AHNAK2: variants seen among roughly 807,000 people sequenced by gnomAD.
The protein encoded by AHNAK2 is protein AHNAK2.
A neutral mutation model predicts 30.7 loss-of-function variants in AHNAK2; 18 were observed. The observed-to-expected ratio is 0.59, with a 90% confidence interval of 0.41 to 0.87. The LOEUF (loss-of-function observed/expected upper bound fraction) is 0.87, where lower values mean the gene tolerates loss of function less well. Among genes scored for constraint, AHNAK2 ranks in the 40% least tolerant of loss-of-function variants. The pLI is 0.00. For synonymous variants in AHNAK2, 3,590 were observed against 3,073.8 expected (o/e 1.17, Z -5.56); for missense variants, 8,604 against 7,373.0 (o/e 1.17, Z -6.11).
chr14:104,961,422 G>A (rs1187004736), intron 1 of AHNAK2, among the ~76,000 whole-genome samples: 1 of 150,112 alleles, frequency 6.7e-6, no homozygotes, highest in Non-Finnish European at 1.5e-5. Context: ...GCTGAGGCAG[G>A]AGAATGGCGT....
At position 104,953,612 on chromosome 14, in the gene AHNAK2, C is replaced by T; in HGVS notation, c.1839G>A (p.Arg613=). The part of the protein sequence containing the change: ...EKATEDTEQG[R]EGEATATADR... The stretch of plus-strand genomic sequence containing the variant: ...CAGCTGTTGCTGTGGCCTCTCCTTC[C>T]CTTCCCTGCTCTGTGTCTTCTGTGG... The change falls in exon 7 of 7, where the codon AGG becomes AGA. Residue 613 remains arginine (R), a synonymous_variant. Coordinates refer to ENST00000333244, the MANE Select transcript of AHNAK2 (RefSeq NM_138420.4). The T allele has an allele frequency of 1.2e-6, 2 of 1,613,952 alleles. No homozygotes were observed. Among genetic ancestry groups the T allele is most frequent in the Non-Finnish European group, 1.7e-6 (2 of 1,179,892 alleles).
rs371085059 is a variant in AHNAK2 at position 104,943,858 on chromosome 14, G to A, written c.11593C>T (p.Arg3865Cys). ...PHSADLTVQA[R>C]QVDMKLLEGH... ...TCCAGGAGTTTCATGTCCACCTGGC[G>A]AGCTTGGACCGTCAGGTCGGCAGAA... The change falls in exon 7 of 7, where the codon CGC (arginine) becomes TGC (cysteine). Residue 3865 changes from arginine (R) to cysteine (C), a missense_variant. Arg to Cys is a radical substitution (Grantham distance 180). Transcript: ENST00000333244. 11 of 1,610,122 alleles carry A rather than the reference G, an allele frequency of 6.8e-6. No individual in the cohort carries two copies. Among genetic ancestry groups the A allele is most frequent in the South Asian group, 4.4e-5 (4 of 90,928 alleles).
Position 104,949,766 on chromosome 14 carries a change from C to T in AHNAK2, c.5685G>A (p.Gln1895=), listed in dbSNP as rs377221849. ...CTTTGAGGCCGGCTCCCTCGGGCAC[C>T]TGGCCCTCCGGGAGCTTCATGTCCA... The part of the protein sequence containing the change: ...GQVDMKLPEG[Q]VPEGAGLKGH... Residue 1895 remains glutamine, a synonymous_variant, in exon 7 of 7, where the codon CAG becomes CAA. Transcript: ENST00000333244. 2 of 1,583,496 alleles carry T rather than the reference C, an allele frequency of 1.3e-6. No individual in the cohort carries two copies. The highest frequency in any genetic ancestry group is 1.7e-6 in the Non-Finnish European group (2 of 1,161,668).
chr14:104,941,029 G>A lies in AHNAK2; in HGVS notation c.14422C>T (p.Leu4808Phe), dbSNP rs190966729. The A allele has an allele frequency of 1.2e-6, 2 of 1,613,528 alleles. No homozygotes were observed. The highest frequency in any genetic ancestry group is 3.3e-5 in the Admixed American group (2 of 60,026). The change falls in exon 7 of 7, where the codon CTT becomes TTT. Residue 4808 changes from leucine to phenylalanine, a missense_variant. Physicochemically the swap from Leu to Phe is conservative, Grantham distance 22. Coordinates refer to ENST00000333244, the MANE Select transcript of AHNAK2 (RefSeq NM_138420.4). Reference protein sequence around the residue: ...TVPRAALAPELALEIPSGSQA... With the variant: ...TVPRAALAPEFALEIPSGSQA... ...GACCCAGAAGGAATTTCCAGAGCAA[G>A]CTCAGGGGCCAAGGCAGCTCTGGGA...
At chr14:104,969,075 GCCCCTCC>G (rs1566926325) in intron 1 of AHNAK2, among the ~76,000 whole-genome samples, 1 of 152,142 alleles carries the variant, frequency 6.6e-6, no homozygotes, top group African/African-American at 2.4e-5. Context: ...AACATCCCCC[GCCCCTCC>G]CCGATGCTTC....
Position 104,947,562 on chromosome 14 carries a change from A to G in AHNAK2, c.7889T>C (p.Leu2630Pro). 4 of 1,612,762 alleles carry G rather than the reference A, an allele frequency of 2.5e-6. No homozygotes were observed. Among genetic ancestry groups the G allele is most frequent in the Non-Finnish European group, 3.4e-6 (4 of 1,179,644 alleles). The change falls in exon 7 of 7, where the codon CTG becomes CCG. Residue 2630 changes from leucine to proline, a missense_variant. By Grantham distance (98) the Leu-to-Pro change is moderately conservative. Transcript: ENST00000333244. ...GTCGGCCAGGGACAGGTCCCCCTCC[A>G]GCCGCGCACCATCCAGCTTTGCTCT... ...APRAKLDGARLEGDLSLADKG... is the reference protein window; with the variant it reads ...APRAKLDGARPEGDLSLADKG...
chr14:104,956,552 C>T lies in AHNAK2; in HGVS notation c.315+36G>A, dbSNP rs1334752457. On this transcript the variant is annotated intron_variant, in intron 4 of 6. Coordinates refer to ENST00000333244, the MANE Select transcript of AHNAK2 (RefSeq NM_138420.4). ...TCTGGCTGGATCCCTTGAGGACCGA[C>T]ACACCTCTGTGACCCTCAGCTCCTG... is the stretch of plus-strand genomic sequence containing the variant. The T allele has an allele frequency of 3.1e-6, 5 of 1,606,246 alleles. No homozygotes were observed. The African/African-American group carries it at 5.3e-5, about 17-fold the overall frequency.
At position 104,951,378 on chromosome 14, in the gene AHNAK2, A is replaced by G. The variant is rs765546594; in HGVS notation, c.4073T>C (p.Val1358Ala). The G allele has an allele frequency of 1.9e-6, 2 of 1,072,678 alleles. No homozygotes were observed. Among genetic ancestry groups the G allele is most frequent in the African/African-American group, 1.4e-5 (1 of 69,598 alleles). The allele number at this position is 1,072,678 out of a possible 1,614,324, so 66.4% of individuals were successfully genotyped here. The change falls in exon 7 of 7, where the codon GTG (valine) becomes GCG (alanine). Residue 1358 changes from valine (V) to alanine (A), a missense_variant. Physicochemically the swap from Val to Ala is moderately conservative, Grantham distance 64. Transcript: ENST00000333244. ...EASVDLSAPKVEADMSLPSMQ... is the reference protein window; with the variant it reads ...EASVDLSAPKAEADMSLPSMQ... ...GGAGGGGAGGCTCATGTCGGCCTCC[A>G]CCTTGGGTGCAGACAGGTCCACGGA...
At position 104,950,867 on chromosome 14, in the gene AHNAK2, G is replaced by A. The variant is rs143557489; in HGVS notation, c.4584C>T (p.Ser1528=). Reference sequence around the variant, plus strand: ...TGAGGTCCCCCTGCATGGAGGGGAGGCTCACGTCGGCCTCCACCTTCGGCG... The same window carrying A: ...TGAGGTCCCCCTGCATGGAGGGGAGACTCACGTCGGCCTCCACCTTCGGCG... The part of the protein sequence containing the change: ...VSAPKVEADV[S]LPSMQGDLKA... Residue 1528 remains serine, a synonymous_variant, in exon 7 of 7, where the codon AGC becomes AGT. Transcript: ENST00000333244. 5,493 of 1,575,984 alleles carry A rather than the reference G, an allele frequency of 3.5e-3. 467 individuals are homozygous for A. In the African/African-American group the frequency reaches 0.047, roughly 14 times the overall value.
At chr14:104,955,440 GGT>G in intron 5 of AHNAK2, 41 bp downstream of exon 5, 1 of 1,581,824 alleles carries the variant, frequency 6.3e-7, no homozygotes, top group East Asian at 2.2e-5. Flanking sequence ...CTCCCATCCT[GGT>G]GGGGAGAATG....
rs2140850883 is a variant in AHNAK2 at position 104,949,804 on chromosome 14, G to A, written c.5647C>T (p.Gln1883Ter). ...IPLPSADLVVQAGQVDMKLPE... is the reference protein window; with the variant it reads ...IPLPSADLVV ...AGCTTCATGTCCACTTGGCCAGCCTGGACCACCAGGTCTGCAGAAGGGAGC... is the reference window on the plus strand; with the variant it reads ...AGCTTCATGTCCACTTGGCCAGCCTAGACCACCAGGTCTGCAGAAGGGAGC... The change falls in exon 7 of 7, where the codon CAG (glutamine) becomes TAG (stop). Residue 1883 changes from glutamine to a stop codon, truncating the protein, a stop_gained. Coordinates refer to ENST00000333244, the MANE Select transcript of AHNAK2 (RefSeq NM_138420.4). LOFTEE classifies it low-confidence loss of function (END_TRUNC). 6.3e-7 allele frequency: 1 copy of A among 1,587,312 alleles called. No homozygotes were observed.
rs1187450802 is a variant in AHNAK2, at chr14:104,949,347, T to C, written c.6104A>G (p.Asp2035Gly). ...PSMQGDLKTT[D>G]LSIQPPSADL... Reference sequence around the variant, plus strand: ...GGCAGAAGGGGGCTGAATGCTGAGGTCAGTGGTCTTCAGGTCCCCCTGCAT... The same window carrying C: ...GGCAGAAGGGGGCTGAATGCTGAGGCCAGTGGTCTTCAGGTCCCCCTGCAT... Residue 2035 changes from aspartate to glycine, a missense_variant, in exon 7 of 7, where the codon GAC becomes GGC. Physicochemically the swap from Asp to Gly is moderately conservative, Grantham distance 94. Coordinates refer to ENST00000333244, the MANE Select transcript of AHNAK2 (RefSeq NM_138420.4). 1 of 1,561,644 alleles carries C rather than the reference T, an allele frequency of 6.4e-7. No homozygotes were observed. The highest frequency in any genetic ancestry group is 1.1e-5 in the South Asian group (1 of 88,888).
rs2819430 is a variant in AHNAK2 at position 104,950,945 on chromosome 14, C to G, written c.4506G>C (p.Ser1502=). ...KFKMPKFKMP[S]FGVSAPGKSI... ...ACTTGCCTGGGGCAGACACCCCGAA[C>G]GACGGCATCTTGAACTTGGGCATTT... Residue 1502 remains serine, a synonymous_variant, in exon 7 of 7, where the codon TCG becomes TCC. Transcript: ENST00000333244. The G allele has an allele frequency of 6.2e-4, 950 of 1,526,880 alleles. 116 individuals carry two copies. Among genetic ancestry groups the G allele is most frequent in the South Asian group, 4.2e-3 (369 of 86,842 alleles). 94.6% of individuals were successfully genotyped at this position (1,526,880 alleles called of 1,614,324 possible). A position where few individuals can be genotyped will look rare whatever the true frequency, so the allele number is the denominator to read the frequency against.
Position 104,952,160 on chromosome 14 carries a change from C to A in AHNAK2, c.3291G>T (p.Lys1097Asn). 2 of 1,612,514 alleles carry A rather than the reference C, an allele frequency of 1.2e-6. No individual in the cohort carries two copies. Among genetic ancestry groups the A allele is most frequent in the Non-Finnish European group, 1.7e-6 (2 of 1,179,610 alleles). ...PSFKMPKVAL[K>N]GPQVDVKGPK... ...GGCCCTTGACGTCCACCTGGGGGCC[C>A]TTGAGGGCCACTTTGGGCATCTTGA... is the stretch of plus-strand genomic sequence containing the variant. Residue 1097 changes from lysine to asparagine, a missense_variant, in exon 7 of 7, where the codon AAG (lysine) becomes AAT (asparagine). Physicochemically the swap from Lys to Asn is moderately conservative, Grantham distance 94 (BLOSUM62 0). Transcript: ENST00000333244.
rs771650441 is a variant in AHNAK2, at chr14:104,954,419, C to A, written c.1032G>T (p.Arg344Ser). ...QGPSSTGQPG[R>S]GFQSGVGRAG... ...CACGGCCCACCCCACTCTGGAACCC[C>A]CTGCCTGGCTGTCCTGTCGATGAAG... Residue 344 changes from arginine (R) to serine (S), a missense_variant, in exon 7 of 7, where the codon AGG becomes AGT. Transcript: ENST00000333244. The surrounding 1 kb of genome is among the most constrained non-coding windows in gnomAD (Gnocchi z 4.3). The A allele has an allele frequency of 5.6e-6, 9 of 1,612,790 alleles. No individual in the cohort carries two copies. Among genetic ancestry groups the A allele is most frequent in the South Asian group, 4.4e-5 (4 of 91,062 alleles).
chr14:104,953,278 C>T lies in AHNAK2; in HGVS notation c.2173G>A (p.Val725Ile), dbSNP rs375468649. ...QGDLKTTDLS[V>I]QTPSADLEVQ... ...TCCAGGTCAGCGGAAGGGGTCTGGA[C>T]GCTGAGGTCAGTGGTCTTGAGGTCC... Residue 725 changes from valine to isoleucine, a missense_variant, in exon 7 of 7, where the codon GTC (valine) becomes ATC (isoleucine). Physicochemically the swap from Val to Ile is conservative, Grantham distance 29 (BLOSUM62 3). Coordinates refer to ENST00000333244, the MANE Select transcript of AHNAK2 (RefSeq NM_138420.4). The T allele has an allele frequency of 4.2e-5, 68 of 1,611,198 alleles. 1 individual carries two copies. The highest frequency in any genetic ancestry group is 3.8e-4 in the African/African-American group (28 of 73,808).
rs752486109 is a variant in AHNAK2 at position 104,949,789 on chromosome 14, C to A, written c.5662G>T (p.Asp1888Tyr). The change falls in exon 7 of 7, where the codon GAC (aspartate) becomes TAC (tyrosine). Residue 1888 changes from aspartate to tyrosine, a missense_variant. Asp to Tyr is a radical substitution (Grantham distance 160). Coordinates refer to ENST00000333244, the MANE Select transcript of AHNAK2 (RefSeq NM_138420.4). ...ACCTGGCCCTCCGGGAGCTTCATGT[C>A]CACTTGGCCAGCCTGGACCACCAGG... ...ADLVVQAGQVDMKLPEGQVPE... is the reference protein window; with the variant it reads ...ADLVVQAGQVYMKLPEGQVPE... 4 of 1,585,892 alleles carry A rather than the reference C, an allele frequency of 2.5e-6. No individual in the cohort carries two copies. Among genetic ancestry groups the A allele is most frequent in the African/African-American group, 1.4e-5 (1 of 72,130 alleles).
chr14:104,946,581 C>G lies in AHNAK2; in HGVS notation c.8870G>C (p.Gly2957Ala), dbSNP rs1415701529. ...GGACAGGTCACCCTCCAGCCGTGCA[C>G]CATCCAGCTTTGCTCTCGGGGCCTC... ...DVEAPRAKLD[G>A]ARLEGDLSLA... Residue 2957 changes from glycine to alanine, a missense_variant, in exon 7 of 7, where the codon GGT becomes GCT. By Grantham distance (60) the Gly-to-Ala change is moderately conservative. Coordinates refer to ENST00000333244, the MANE Select transcript of AHNAK2 (RefSeq NM_138420.4). The G allele has an allele frequency of 5.6e-6, 9 of 1,612,948 alleles. No individual in the cohort carries two copies. Among genetic ancestry groups the G allele is most frequent in the Non-Finnish European group, 6.8e-6 (8 of 1,179,740 alleles).
chr14:104,939,059 T>C lies in AHNAK2; in HGVS notation c.16392A>G (p.Arg5464=), dbSNP rs778186490. 6.2e-7 allele frequency: 1 copy of C among 1,605,962 alleles called. No individual in the cohort carries two copies. Among genetic ancestry groups the C allele is most frequent in the Non-Finnish European group, 8.5e-7 (1 of 1,176,134 alleles). ...CAACCTGAGCACCCTGAATATGCAC[T>C]CTGACCTTTGAAATTGGGGGAGCTT... ...PLEAPPISKV[R]VHIQGAQVES... Residue 5464 remains arginine, a synonymous_variant, in exon 7 of 7, where the codon AGA becomes AGG. Coordinates refer to ENST00000333244, the MANE Select transcript of AHNAK2 (RefSeq NM_138420.4).
Sources: gnomAD v4.1 joint callset for allele counts (sites outside exome capture counted in the v4.1 genomes callset) on GRCh38, gnomAD v4.1.1 for gene constraint, Gnocchi (gnomAD v3.1) non-coding constraint, MANE v1.5 for transcripts, NCBI Gene and HGNC (gene_info 2026-07-23, HGNC 2026-07-21) for gene names.